GTF2F2: variants seen among roughly 807,000 people sequenced by gnomAD.
GTF2F2 encodes ATP-dependent helicase GTF2F2.
A neutral mutation model predicts 42.2 loss-of-function variants in GTF2F2; 23 were observed. The observed-to-expected ratio is 0.55, with a 90% CI of 0.39 to 0.77. GTF2F2 has a LOEUF of 0.77. GTF2F2 is among the 30% of genes least tolerant of loss of function. GTF2F2 has a pLI of 0.00. For missense variants in GTF2F2, 261 were observed against 287.2 expected (o/e 0.91, Z 0.66); for synonymous variants, 105 against 100.8 (o/e 1.04, Z -0.25).
chr13:45,191,224 A>AAAATAT lies in GTF2F2; in HGVS notation c.305-16199_305-16198insAATATA. ...GTCTCTACTAAAAATACAAAAAAAA[A>AAAATAT]ATATATATATATATATATATATATA... On this transcript the variant is annotated intron_variant, in intron 4 of 7. Transcript: ENST00000340473. Among the ~76,000 whole-genome samples, 690 of 75,250 alleles carry AAAATAT rather than the reference A, an allele frequency of 9.2e-3. 8 individuals are homozygous for AAAATAT. The highest frequency in any genetic ancestry group is 0.012 in the Non-Finnish European group (540 of 45,114). The allele number at this position is 75,250 out of a possible 152,430, so 49.4% of individuals were successfully genotyped here. A position where few individuals can be genotyped will look rare whatever the true frequency, so the allele number is the denominator to read the frequency against.
rs1181018500 is a variant in GTF2F2, at chr13:45,122,194, T to G, written c.66+1473T>G. Among the ~76,000 whole-genome samples the G allele has an allele frequency of 1.3e-5, 2 of 152,184 alleles. 1 individual carries two copies. The highest frequency in any genetic ancestry group is 4.1e-4 in the South Asian group (2 of 4,832). ...GTCATATCATGAAACGGAGATATTC[T>G]AACTTTAGTTTACAAGGAAGTAACG... On this transcript the variant is annotated intron_variant, in intron 1 of 7. Transcript: ENST00000340473.
chr13:45,194,621 A>C, intron 4 of GTF2F2: 1 of 1,494,208 alleles, frequency 6.7e-7, no homozygotes, highest in Admixed American at 1.9e-5. Context: ...TTTTTTAAAA[A>C]GAGACACTAC....
intron 5 of GTF2F2, among the ~76,000 whole-genome samples, chr13:45,221,745 G>A (rs1009473725): frequency 2.0e-5 from 3 of 152,206 alleles, no homozygotes; most frequent in East Asian, 1.9e-4. Flanking sequence ...AAAATAAAAT[G>A]TACAAATCCT....
intron 4 of GTF2F2, among the ~76,000 whole-genome samples, chr13:45,159,849 G>A (rs1870950148): frequency 6.6e-6 from 1 of 152,160 alleles, no homozygotes; most frequent in African/African-American, 2.4e-5. Context: ...ATTTTTGGGG[G>A]AATATCATAT....
intron 2 of GTF2F2, 24 bp from the exon 3 acceptor site, chr13:45,149,746 A>G (rs761881696): frequency 6.7e-7 from 1 of 1,497,984 alleles, no homozygotes; most frequent in South Asian, 1.3e-5. Context: ...AATTATTTTA[A>G]ATATTTCTTT....
intron 2 of GTF2F2, among the ~76,000 whole-genome samples, chr13:45,147,170 AT>A (rs1405024170): frequency 1.3e-5 from 2 of 152,148 alleles, no homozygotes; most frequent in Non-Finnish European, 2.9e-5. Context: ...TCTTTAATTC[AT>A]CTTTTTTCCT....
At chr13:45,245,171 T>G (rs147975520) in intron 5 of GTF2F2, among the ~76,000 whole-genome samples, 1 of 152,334 alleles carries the variant, frequency 6.6e-6, no homozygotes, top group African/African-American at 2.4e-5. Context: ...ACACATAATT[T>G]ACAAATTTTC....
chr13:45,226,678 A>G (rs1200683664), intron 5 of GTF2F2, among the ~76,000 whole-genome samples: 1 of 152,062 alleles, frequency 6.6e-6, no homozygotes, highest in Admixed American at 6.6e-5. Flanking sequence ...CTCCAGTAAA[A>G]TTTTTTTGCT....
chr13:45,157,475 G>A lies in GTF2F2; in HGVS notation c.304+5644G>A, dbSNP rs534847943. ...ACTGGTAGGTTGAGAAGAGACCATGGAGTCGGGGCAGGGCTGGAACCGGGA... is the reference window on the plus strand; with the variant it reads ...ACTGGTAGGTTGAGAAGAGACCATGAAGTCGGGGCAGGGCTGGAACCGGGA... On this transcript the variant is annotated intron_variant, in intron 4 of 7. Transcript: ENST00000340473. 9.5e-4 allele frequency among the ~76,000 whole-genome samples: 144 copies of A among 152,308 alleles called. 2 individuals carry two copies. The Middle Eastern group carries it at 0.024, about 25-fold the overall frequency.
At chr13:45,252,403 A>G (rs1298582083) in intron 5 of GTF2F2, among the ~76,000 whole-genome samples, 1 of 152,216 alleles carries the variant, frequency 6.6e-6, no homozygotes, top group African/African-American at 2.4e-5. Flanking sequence ...CTGTGATGAT[A>G]GAAATGTTCT....
chr13:45,158,634 T>C (rs973257128), intron 4 of GTF2F2, among the ~76,000 whole-genome samples: 13 of 152,222 alleles, frequency 8.5e-5, no homozygotes, highest in Admixed American at 2.0e-4. Context: ...AGCCTTCTCT[T>C]TCTGATCCAG....
At chr13:45,262,656 C>T (rs759943113) in intron 6 of GTF2F2, among the ~76,000 whole-genome samples, 1 of 151,950 alleles carries the variant, frequency 6.6e-6, no homozygotes, top group Non-Finnish European at 1.5e-5. Context: ...TAAGCTCAAG[C>T]GATCCGCCCA....
intron 5 of GTF2F2, among the ~76,000 whole-genome samples, chr13:45,228,306 G>A (rs1302378958): frequency 6.8e-5 from 5 of 73,198 alleles, no homozygotes; most frequent in African/African-American, 3.3e-4. Flanking sequence ...TTTTGGAGAC[G>A]GAGTTTCACT....
At chr13:45,149,260 C>T (rs1299512705) in intron 2 of GTF2F2, among the ~76,000 whole-genome samples, 1 of 150,626 alleles carries the variant, frequency 6.6e-6, no homozygotes, top group Admixed American at 6.6e-5. Flanking sequence ...CATGGTGAGA[C>T]CTTGTCTCTA....
At position 45,120,721 on chromosome 13, in the gene GTF2F2, G is replaced by C. The variant is rs933114175; in HGVS notation, c.66G>C (p.Lys22Asn). ...AKQNTGVWLVKVPKYLSQQWA... is the reference protein window; with the variant it reads ...AKQNTGVWLVNVPKYLSQQWA... ...AGAACACAGGAGTGTGGCTAGTCAA[G>C]GTAATGTTCGCGAGTCTCCCACTTG... The change falls in exon 1 of 8, where the codon AAG becomes AAC. Residue 22 changes from lysine (K) to asparagine (N), a missense_variant and splice_region_variant. Coordinates refer to ENST00000340473, the MANE Select transcript of GTF2F2 (RefSeq NM_004128.3). 1 of 1,553,516 alleles carries C rather than the reference G, an allele frequency of 6.4e-7. No individual in the cohort carries two copies. The highest frequency in any genetic ancestry group is 1.7e-4 in the Middle Eastern group (1 of 5,988).
intron 4 of GTF2F2, among the ~76,000 whole-genome samples, chr13:45,168,695 C>G (rs1373262070): frequency 6.6e-6 from 1 of 152,068 alleles, no homozygotes; most frequent in East Asian, 1.9e-4. Context: ...TCATGGCACC[C>G]CCTACCTCTG....
rs117918664 is a variant in GTF2F2 at position 45,227,354 on chromosome 13, A to G, written c.386+19849A>G. On this transcript the variant is annotated intron_variant, in intron 5 of 7. Coordinates refer to ENST00000340473, the MANE Select transcript of GTF2F2 (RefSeq NM_004128.3). ...AGGTTATTGATCAGAGATAGATAGT[A>G]ACTTATATATTCTGCTTCAGTTTAT... Among the ~76,000 whole-genome samples, 97 of 152,360 alleles carry G rather than the reference A, an allele frequency of 6.4e-4. No homozygotes were observed. The East Asian group carries it at 0.018, about 28-fold the overall frequency.
At chr13:45,202,026 C>A (rs138367319) in intron 4 of GTF2F2, among the ~76,000 whole-genome samples, 1 of 152,130 alleles carries the variant, frequency 6.6e-6, no homozygotes, top group South Asian at 2.1e-4. Flanking sequence ...TTCCTTCTTA[C>A]CCCCACCCAC....
At chr13:45,218,876 A>G (rs902543076) in intron 5 of GTF2F2, among the ~76,000 whole-genome samples, 1 of 152,152 alleles carries the variant, frequency 6.6e-6, no homozygotes, top group Admixed American at 6.5e-5. Flanking sequence ...CAGTACAGGA[A>G]CACCTGACTC....
Sources: allele counts gnomAD v4.1 joint callset (sites outside exome capture counted in the v4.1 genomes callset), GRCh38; gene constraint gnomAD v4.1.1; transcripts MANE v1.5; gene names NCBI Gene and HGNC (gene_info 2026-07-23, HGNC 2026-07-21).